Variants in STAB2 observed in about 807,000 individuals in gnomAD.
STAB2 encodes stabilin 2.
A neutral mutation model predicts 338.1 loss-of-function variants in STAB2; 288 were observed. The observed-to-expected ratio is 0.85, with a 90% confidence interval of 0.77 to 0.94. STAB2 has a LOEUF of 0.94. Ranked by LOEUF, STAB2 falls within the 40% of genes least tolerant of loss-of-function variation. The pLI is 0.00. For synonymous variants in STAB2, 1,202 were observed against 1,193.3 expected, an observed-to-expected ratio of 1.01 and a Z score of -0.15; for missense variants, 3,141 against 3,210.1, an observed-to-expected ratio of 0.98 and a Z score of 0.52.
chr12:103,587,717 T>C (rs1291068319), intron 1 of STAB2, among the ~76,000 whole-genome samples, 160 bp downstream of exon 1: 1 of 152,246 alleles, frequency 6.6e-6, no homozygotes, highest in Non-Finnish European at 1.5e-5. Flanking sequence ...ATGCACCATC[T>C]TTCCGAAGGT....
chr12:103,755,585 G>T, intron 62 of STAB2, 27 bp from the exon 63 acceptor site: 1 of 1,613,620 alleles, frequency 6.2e-7, no homozygotes, highest in African/African-American at 1.3e-5. Flanking sequence ...TTACTTGTGT[G>T]GGACCCTGTG....
intron 29 of STAB2, 30 bp downstream of exon 29, chr12:103,690,012 T>A (rs777002013): frequency 1.2e-6 from 2 of 1,605,110 alleles, no homozygotes; most frequent in African/African-American, 2.7e-5. Context: ...TTTTACATCG[T>A]ATCTGAATGG....
chr12:103,701,718 A>G (rs1481157167), intron 34 of STAB2, among the ~76,000 whole-genome samples: 2 of 152,088 alleles, frequency 1.3e-5, no homozygotes, highest in Non-Finnish European at 2.9e-5. Flanking sequence ...TTTCCTCTTA[A>G]TTTTCCAAAT....
At chr12:103,603,338 G>A (rs1399644066) in intron 3 of STAB2, among the ~76,000 whole-genome samples, 1 of 152,162 alleles carries the variant, frequency 6.6e-6, no homozygotes, top group Non-Finnish European at 1.5e-5. Flanking sequence ...CCAAAGTGCT[G>A]GGATTACAGG....
Position 103,715,804 on chromosome 12 carries a change from T to C in STAB2, c.4538-11T>C. ...GATTTCCAGGCCAGATGTTGGCTTT[T>C]TGTTTTAAAGAAATCAACCCGTGTT... On this transcript the variant is annotated splice_polypyrimidine_tract_variant and intron_variant, in intron 42 of 68. Transcript: ENST00000388887. 3 of 1,614,054 alleles carry C rather than the reference T, an allele frequency of 1.9e-6. No individual in the cohort carries two copies. Among genetic ancestry groups the C allele is most frequent in the Non-Finnish European group, 2.5e-6 (3 of 1,179,956 alleles).
chr12:103,746,576 A>G (rs751244695), intron 57 of STAB2, 21 bp from the exon 58 acceptor site: 2 of 1,611,762 alleles, frequency 1.2e-6, no homozygotes, highest in South Asian at 2.2e-5. Flanking sequence ...TACAGAATGA[A>G]AGTGGCCCCT....
intron 29 of STAB2, 120 bp from the exon 30 acceptor site, chr12:103,690,304 C>A: frequency 1.1e-6 from 1 of 895,454 alleles, no homozygotes; most frequent in Non-Finnish European, 1.7e-6. Flanking sequence ...CTGGTAACTG[C>A]AGGGGGAACT....
rs568193306 is a variant in STAB2, at chr12:103,719,761, G to A, written c.4683+1920G>A. On this transcript the variant is annotated intron_variant, in intron 44 of 68. Coordinates refer to ENST00000388887, the MANE Select transcript of STAB2 (RefSeq NM_017564.10). ...ATCCACAGTTGCATCCAGTCCTTAG[G>A]ACAGTTCAACCCACTAGGCTGTGAG... 1.4e-4 allele frequency among the ~76,000 whole-genome samples: 20 copies of A among 145,138 alleles called. No individual in the cohort carries two copies. The East Asian group carries it at 3.1e-3, about 22-fold the overall frequency.
Position 103,713,686 on chromosome 12 carries a change from G to A in STAB2, c.4455G>A (p.Lys1485=). The change falls in exon 42 of 69, where the codon AAG becomes AAA. Residue 1485 remains lysine (K), a synonymous_variant. Coordinates refer to ENST00000388887, the MANE Select transcript of STAB2 (RefSeq NM_017564.10). ...CEISNGGCSA[K]ADCKRTTPGR... ...TCAGCAATGGAGGTTGCTCTGCCAA[G>A]GCTGACTGTAAGAGAACCACCCCAG... is the stretch of plus-strand genomic sequence containing the variant. 6.2e-7 allele frequency: 1 copy of A among 1,614,116 alleles called. No homozygotes were observed. Among genetic ancestry groups the A allele is most frequent in the Non-Finnish European group, 8.5e-7 (1 of 1,179,970 alleles).
chr12:103,740,093 C>T (rs1048359862), intron 54 of STAB2, among the ~76,000 whole-genome samples: 4 of 152,164 alleles, frequency 2.6e-5, no homozygotes, highest in Admixed American at 2.0e-4. Flanking sequence ...ACTCTCTGTG[C>T]AGCTATTAGG....
chr12:103,728,599 T>G (rs1034218058), intron 47 of STAB2, among the ~76,000 whole-genome samples: 1 of 152,234 alleles, frequency 6.6e-6, no homozygotes, highest in Admixed American at 6.5e-5. Flanking sequence ...TATTGTGAAA[T>G]CCAGGCCAGA....
chr12:103,723,518 G>A (rs1049723672), intron 44 of STAB2, among the ~76,000 whole-genome samples: 1 of 152,234 alleles, frequency 6.6e-6, no homozygotes, highest in African/African-American at 2.4e-5. Context: ...AGATTTGGGT[G>A]GGAACACAGG....
chr12:103,588,844 C>G (rs1032301187), intron 1 of STAB2, among the ~76,000 whole-genome samples: 1 of 152,178 alleles, frequency 6.6e-6, no homozygotes, highest in Non-Finnish European at 1.5e-5. Flanking sequence ...CAAACTCTAT[C>G]TAAGTGTAGC....
At chr12:103,739,537 GTGTGTGTGTGTGT>G in intron 54 of STAB2, 69 bp downstream of exon 54, 2 of 327,606 alleles carry the variant, frequency 6.1e-6, no homozygotes, top group Non-Finnish European at 1.0e-5. Context: ...CTGTGTGTGT[GTGTGTGTGTGTGT>G]GTGTGTGTGT....
intron 12 of STAB2, among the ~76,000 whole-genome samples, chr12:103,654,309 C>T (rs1010561140): frequency 6.6e-6 from 1 of 152,208 alleles, no homozygotes; most frequent in Non-Finnish European, 1.5e-5. Flanking sequence ...TTGATAATAC[C>T]TTGCCCAGGT....
Position 103,650,524 on chromosome 12 carries a change from G to A in STAB2, c.1203G>A (p.Lys401=). ...AAGCTTATGCCTGGCCACTGAGTAA[G>A]CTGGGACCCTTCACGGTGCTGTTAC... ...LDKAYAWPLS[K]LGPFTVLLPT... The change falls in exon 11 of 69, where the codon AAG becomes AAA. Residue 401 remains lysine (K), a synonymous_variant. Coordinates refer to ENST00000388887, the MANE Select transcript of STAB2 (RefSeq NM_017564.10). 1 of 1,613,350 alleles carries A rather than the reference G, an allele frequency of 6.2e-7. No individual in the cohort carries two copies. Among genetic ancestry groups the A allele is most frequent in the South Asian group, 1.1e-5 (1 of 91,064 alleles).
At chr12:103,690,614 T>G (rs568108596) in intron 30 of STAB2, 76 bp downstream of exon 30, 1 of 1,288,626 alleles carries the variant, frequency 7.8e-7, no homozygotes, top group Non-Finnish European at 1.1e-6. Context: ...AATTTTCATG[T>G]TATGGGAACT....
intron 55 of STAB2, 144 bp downstream of exon 55, chr12:103,740,900 T>C (rs561400601): frequency 8.3e-6 from 10 of 1,202,050 alleles, no homozygotes; most frequent in Non-Finnish European, 1.1e-5. Flanking sequence ...CTCTGAAGAG[T>C]TGTGTATCAT....
At chr12:103,725,767 C>T (rs1048531005) in intron 45 of STAB2, among the ~76,000 whole-genome samples, 13 of 152,142 alleles carry the variant, frequency 8.5e-5, no homozygotes, top group African/African-American at 2.2e-4. Context: ...AAAAATGTTC[C>T]GGCTGATCAA....
Sources: gnomAD v4.1 joint callset for allele counts (sites outside exome capture counted in the v4.1 genomes callset) on GRCh38, gnomAD v4.1.1 for gene constraint, MANE v1.5 for transcripts, NCBI Gene and HGNC (gene_info 2026-07-23, HGNC 2026-07-21) for gene names.